Variants in USP6 observed in about 807,000 individuals in gnomAD.
USP6 encodes ubiquitin specific peptidase 6.
In USP6, 128 loss-of-function variants were observed where a neutral mutation model predicts 175.7. The ratio of observed to expected loss-of-function variants is 0.73; its 90% CI spans 0.63 to 0.84. The LOEUF (loss-of-function observed/expected upper bound fraction) is 0.84, where lower values mean the gene tolerates loss of function less well. Ranked by LOEUF, USP6 falls within the 40% of genes least tolerant of loss-of-function variation. The probability of loss-of-function intolerance (pLI) is 0.00; values close to 1 mark genes in which losing one functional copy is unlikely to be tolerated. For missense variants in USP6, 1,498 were observed against 1,760.3 expected, an observed-to-expected ratio of 0.85 and a Z score of 2.67; for synonymous variants, 562 against 630.6, an observed-to-expected ratio of 0.89 and a Z score of 1.63.
chr17:5,130,753 A>G (rs11871054), intron 11 of USP6, 69 bp downstream of exon 11: 165,690 of 1,585,004 alleles, frequency 0.1, 9,078 homozygotes, highest in Middle Eastern at 0.14. Context: ...GTTTGCTTTT[A>G]GAAAGGCCTT....
intron 22 of USP6, 23 bp downstream of exon 22, chr17:5,139,697 T>C: frequency 1.9e-6 from 3 of 1,602,228 alleles, no homozygotes; most frequent in Non-Finnish European, 2.5e-6. Context: ...TTCACTGCAC[T>C]GAGCCACAAT....
At chr17:5,164,083 C>T (rs1307407150) in intron 33 of USP6, among the ~76,000 whole-genome samples, 1 of 152,168 alleles carries the variant, frequency 6.6e-6, no homozygotes, top group African/African-American at 2.4e-5. Flanking sequence ...AAAGGAGTTC[C>T]TTAAGTCACA....
At position 5,130,351 on chromosome 17, in the gene USP6, C is replaced by A. The variant is rs2073023594; in HGVS notation, c.-1-16C>A. The A allele has an allele frequency of 3.7e-6, 6 of 1,613,920 alleles. No homozygotes were observed. Among genetic ancestry groups the A allele is most frequent in the Non-Finnish European group, 5.1e-6 (6 of 1,179,920 alleles). On this transcript the variant is annotated splice_polypyrimidine_tract_variant and intron_variant, in intron 9 of 37. Coordinates refer to ENST00000574788, the MANE Select transcript of USP6 (RefSeq NM_001304284.2). ...TGTCGGGTACAGTGTAACCTTTAGA[C>A]AATTTTGTCTCACAGGATGGACATG... is the stretch of plus-strand genomic sequence containing the variant.
Position 5,120,716 on chromosome 17 carries a change from T to C in USP6, c.-1747T>C. On this transcript the variant is annotated 5_prime_UTR_variant, in exon 3 of 38. The change abolishes an upstream ATG in the 5' untranslated region. Coordinates refer to ENST00000574788, the MANE Select transcript of USP6 (RefSeq NM_001304284.2). ...GAGTGAACCTGAGCTGGATCCTGAA[T>C]GAGATGCATGACCAGGACAAGAAAT... The C allele has an allele frequency of 2.3e-6, 1 of 428,614 alleles. No homozygotes were observed. Among genetic ancestry groups the C allele is most frequent in the Non-Finnish European group, 4.7e-6 (1 of 214,356 alleles). The allele number at this position is 428,614 out of a possible 1,614,324, so 26.6% of individuals were successfully genotyped here. A position where few individuals can be genotyped will look rare whatever the true frequency, so the allele number is the denominator to read the frequency against.
At chr17:5,141,378 TA>T (rs770426984) in intron 22 of USP6, 46 bp from the exon 23 acceptor site, 25 of 1,521,854 alleles carry the variant, frequency 1.6e-5, no homozygotes, top group Non-Finnish European at 2.1e-5. Context: ...CAAGTGGGTG[TA>T]AATTAGACAG....
chr17:5,139,954 A>G (rs2073393331), intron 22 of USP6, among the ~76,000 whole-genome samples: 1 of 152,094 alleles, frequency 6.6e-6, no homozygotes, highest in African/African-American at 2.4e-5. Flanking sequence ...TTTTTGTTAA[A>G]CTTATGAAAA....
In USP6 at chr17:5,133,046, G is replaced by A. The variant is rs567084447; in HGVS notation, c.276+56G>A. ...CACTCTCTGCAGAAACAGGGGACAGGCACCCATGGCTGTGGCCTGGCACCG... is the reference window on the plus strand; with the variant it reads ...CACTCTCTGCAGAAACAGGGGACAGACACCCATGGCTGTGGCCTGGCACCG... On this transcript the variant is annotated intron_variant, in intron 13 of 37. Coordinates refer to ENST00000574788, the MANE Select transcript of USP6 (RefSeq NM_001304284.2). 19 of 1,581,910 alleles carry A rather than the reference G, an allele frequency of 1.2e-5. No homozygotes were observed. In the South Asian group the frequency reaches 2.1e-4, roughly 18 times the overall value.
chr17:5,139,252 C>T lies in USP6; in HGVS notation c.1079-3C>T, dbSNP rs202135772. On this transcript the variant is annotated splice_region_variant and splice_polypyrimidine_tract_variant and intron_variant, in intron 21 of 37. Transcript: ENST00000574788. Reference sequence around the variant, plus strand: ...ATGCTGACCACGTCTGTTTTCCTTTCAGCCAAACGCGAGCAAGGGTCCTTG... The same window carrying T: ...ATGCTGACCACGTCTGTTTTCCTTTTAGCCAAACGCGAGCAAGGGTCCTTG... The T allele has an allele frequency of 2.1e-4, 331 of 1,600,458 alleles. No homozygotes were observed. Among genetic ancestry groups the T allele is most frequent in the Non-Finnish European group, 2.7e-4 (316 of 1,179,970 alleles).
chr17:5,161,462 A>G, intron 31 of USP6, 66 bp from the exon 32 acceptor site: 1 of 1,530,712 alleles, frequency 6.5e-7, no homozygotes, highest in Non-Finnish European at 9.0e-7. Context: ...TCAAGAGAAG[A>G]TGAAAAGGAG....
chr17:5,152,241 CAA>C (rs61685863), intron 30 of USP6, among the ~76,000 whole-genome samples: 11 of 90,116 alleles, frequency 1.2e-4, no homozygotes, highest in Admixed American at 2.4e-4. Flanking sequence ...GACTCCGTCT[CAA>C]AAAAAAAAAA....
rs1445005424 is a variant in USP6, at chr17:5,129,980, C to T, written c.-111C>T. On this transcript the variant is annotated 5_prime_UTR_variant, in exon 9 of 38. Transcript: ENST00000574788. ...GCCCTGAACATCCCAGGAGGCCGAT[C>T]GTACAGAGACCTCTGGTGCCTGACC... 2 of 260,224 alleles carry T rather than the reference C, an allele frequency of 7.7e-6. No homozygotes were observed. Among genetic ancestry groups the T allele is most frequent in the South Asian group, 5.2e-5 (1 of 19,264 alleles). The allele number at this position is 260,224 out of a possible 1,614,324, so 16.1% of individuals were successfully genotyped here.
In USP6 at chr17:5,132,052, TGG is replaced by T. The variant is rs1200452823; in HGVS notation, c.156-342_156-341del. Among the ~76,000 whole-genome samples, 1 of 152,086 alleles carries T rather than the reference TGG, an allele frequency of 6.6e-6. No individual in the cohort carries two copies. Among genetic ancestry groups the T allele is most frequent in the Non-Finnish European group, 1.5e-5 (1 of 67,982 alleles). Reference sequence around the variant, plus strand: ...CCTGTCAGGGCCCGGTCGCCCATGCTGGGTGGCCCCCATCCCATCTCAGGGCT... The same window carrying T: ...CCTGTCAGGGCCCGGTCGCCCATGCTGTGGCCCCCATCCCATCTCAGGGCT... On this transcript the variant is annotated intron_variant, in intron 11 of 37. Coordinates refer to ENST00000574788, the MANE Select transcript of USP6 (RefSeq NM_001304284.2). The surrounding 1 kb of genome is among the most constrained non-coding windows in gnomAD (Gnocchi z 4.7).
In USP6 at chr17:5,170,910, A is replaced by G. The variant is rs1272582248; in HGVS notation, c.3949A>G (p.Ile1317Val). ...HIKPIYNLYA[I>V]SCHSGILSGG... is the part of the protein sequence containing the mutation. Reference sequence around the variant, plus strand: ...TAAGCCTATTTATAATCTATATGCAATTTCAGTAAGTGGTTTATTATACGG... The same window carrying G: ...TAAGCCTATTTATAATCTATATGCAGTTTCAGTAAGTGGTTTATTATACGG... The change falls in exon 36 of 38, where the codon ATT (isoleucine) becomes GTT (valine). Residue 1317 changes from isoleucine to valine, a missense_variant. Around this residue, in one of 2 missense-constraint regions of USP6, gnomAD observed 1,217 missense variants for 1,500.8 expected, o/e 0.81. Transcript: ENST00000574788. The G allele has an allele frequency of 1.2e-5, 20 of 1,610,016 alleles. No homozygotes were observed. Among genetic ancestry groups the G allele is most frequent in the Admixed American group, 5.0e-5 (3 of 59,966 alleles).
intron 29 of USP6, among the ~76,000 whole-genome samples, chr17:5,147,659 T>C (rs2073649530): frequency 6.6e-6 from 1 of 152,242 alleles, no homozygotes; most frequent in South Asian, 2.1e-4. Flanking sequence ...TTTATGAGGC[T>C]CCCTTCATTG....
intron 10 of USP6, 73 bp from the exon 11 acceptor site, chr17:5,130,529 C>T (rs981602192): frequency 2.7e-5 from 43 of 1,609,978 alleles, no homozygotes; most frequent in African/African-American, 2.3e-4. Flanking sequence ...AGGGCAGGGA[C>T]GGGTGGCCAA....
In USP6 at chr17:5,116,079, C is replaced by G. The variant is rs1442436117; in HGVS notation, c.-2589C>G. Reference sequence around the variant, plus strand: ...ACGGGCGGGCCCCGACGCCCAGCTCCAAATGCGTGGCCGCTGTGGGAGCTC... The same window carrying G: ...ACGGGCGGGCCCCGACGCCCAGCTCGAAATGCGTGGCCGCTGTGGGAGCTC... On this transcript the variant is annotated 5_prime_UTR_variant, in exon 1 of 38. Transcript: ENST00000574788. Among the ~76,000 whole-genome samples the G allele has an allele frequency of 6.6e-6, 1 of 152,210 alleles. No homozygotes were observed. Among genetic ancestry groups the G allele is most frequent in the East Asian group, 1.9e-4 (1 of 5,188 alleles).
At chr17:5,119,864 A>C (rs530404173) in intron 2 of USP6, among the ~76,000 whole-genome samples, 1 of 152,012 alleles carries the variant, frequency 6.6e-6, no homozygotes, top group Non-Finnish European at 1.5e-5. Flanking sequence ...AAGCTCAGAG[A>C]GGTTAAGGGA....
At chr17:5,133,376 C>T in intron 13 of USP6, 67 bp from the exon 14 acceptor site, 1 of 1,495,446 alleles carries the variant, frequency 6.7e-7, no homozygotes, top group Non-Finnish European at 9.3e-7. Flanking sequence ...TTTCCAGAAT[C>T]CCCAGGCTCT....
chr17:5,145,979 T>G, intron 27 of USP6, 44 bp from the exon 28 acceptor site: 1 of 1,533,774 alleles, frequency 6.5e-7, no homozygotes, highest in Non-Finnish European at 8.8e-7. Context: ...AGGCTTTCAA[T>G]GAAACCTGCA....
Sources: gnomAD v4.1 joint callset for allele counts (sites outside exome capture counted in the v4.1 genomes callset) on GRCh38, gnomAD v4.1.1 for gene constraint, gnomAD v4.1.1 regional missense constraint, Gnocchi (gnomAD v3.1) non-coding constraint, MANE v1.5 for transcripts, NCBI Gene and HGNC (gene_info 2026-07-23, HGNC 2026-07-21) for gene names.